RFX4: variants seen among roughly 807,000 people sequenced by gnomAD.
The protein encoded by RFX4 is transcription factor RFX4.
A neutral mutation model predicts 95.0 loss-of-function variants in RFX4; 10 were observed. That is an observed-to-expected ratio of 0.11 (90% CI 0.06 to 0.18). The LOEUF is 0.18. Among genes scored for constraint, RFX4 ranks in the 10% least tolerant of loss-of-function variants. The pLI, the probability that RFX4 is intolerant of heterozygous loss-of-function variation, is 1.00. For synonymous variants in RFX4, 321 were observed against 340.7 expected (o/e 0.94, Z 0.64); for missense variants, 640 against 922.0 (o/e 0.69, Z 3.96).
intron 7 of RFX4, among the ~76,000 whole-genome samples, chr12:106,694,777 G>C (rs2041847834): frequency 6.6e-6 from 1 of 152,124 alleles, no homozygotes; most frequent in African/African-American, 2.4e-5. Context: ...GTGGCTCACT[G>C]TAATCCCAGG....
At position 106,684,739 on chromosome 12, in the gene RFX4, T is replaced by C. The variant is rs1386480613; in HGVS notation, c.378-2145T>C. The C allele has an allele frequency of 3.3e-6, 5 of 1,528,482 alleles. No individual in the cohort carries two copies. In the African/African-American group the frequency reaches 4.1e-5, roughly 13 times the overall value. The allele number at this position is 1,528,482 out of a possible 1,614,324, so 94.7% of individuals were successfully genotyped here. Reference sequence around the variant, plus strand: ...GAAGGCAGTTATGACAGTTGAGAAGTAGTAGAAGACACGGAAGGCACAGAA... The same window carrying C: ...GAAGGCAGTTATGACAGTTGAGAAGCAGTAGAAGACACGGAAGGCACAGAA... On this transcript the variant is annotated intron_variant, in intron 5 of 17. Transcript: ENST00000392842.
chr12:106,634,151 C>A (rs183689756), intron 2 of RFX4, among the ~76,000 whole-genome samples: 25 of 152,342 alleles, frequency 1.6e-4, no homozygotes, highest in Non-Finnish European at 2.9e-4. Flanking sequence ...TCCATACTTT[C>A]TTAATTTTAA....
chr12:106,696,845 C>T (rs1214186404), intron 8 of RFX4, among the ~76,000 whole-genome samples: 1 of 152,180 alleles, frequency 6.6e-6, no homozygotes. Context: ...ATACCCTGTT[C>T]TGTGCCTTGC....
At chr12:106,591,546 G>A (rs1478367337) in intron 1 of RFX4, among the ~76,000 whole-genome samples, 2 of 152,158 alleles carry the variant, frequency 1.3e-5, no homozygotes, top group Non-Finnish European at 2.9e-5. Context: ...GATTACAGGC[G>A]TGAGCCATCG....
At position 106,731,844 on chromosome 12, in the gene RFX4, C is replaced by T. The variant is rs531696822; in HGVS notation, c.1352-286C>T. ...GGTAAGCAAGAGCTCAGAGATGGCT[C>T]GGTGGGTGCCATTTTTGATGGTGTC... On this transcript the variant is annotated intron_variant, in intron 13 of 17. Coordinates refer to ENST00000392842, the MANE Select transcript of RFX4 (RefSeq NM_213594.3). 5.9e-4 allele frequency among the ~76,000 whole-genome samples: 89 copies of T among 151,978 alleles called. 3 individuals are homozygous for T. The South Asian group carries it at 0.017, about 29-fold the overall frequency.
chr12:106,758,296 G>C (rs1464523788), intron 17 of RFX4, among the ~76,000 whole-genome samples: 1 of 152,138 alleles, frequency 6.6e-6, no homozygotes, highest in Non-Finnish European at 1.5e-5. Flanking sequence ...GTCTTTCAAT[G>C]GTCTCTTCAC....
At chr12:106,606,247 G>C (rs1398568908) in intron 1 of RFX4, among the ~76,000 whole-genome samples, 1 of 152,186 alleles carries the variant, frequency 6.6e-6, no homozygotes, top group Admixed American at 6.5e-5. Flanking sequence ...CCTGATGAAA[G>C]GGGGATTGGG....
At chr12:106,661,459 C>T (rs532861479) in intron 4 of RFX4, among the ~76,000 whole-genome samples, 67 of 152,254 alleles carry the variant, frequency 4.4e-4, no homozygotes, top group Middle Eastern at 3.4e-3. Context: ...ATACCCCGTC[C>T]CTACACTTGC....
intron 1 of RFX4, among the ~76,000 whole-genome samples, chr12:106,593,630 C>T (rs1353574660): frequency 2.0e-5 from 3 of 152,148 alleles, no homozygotes; most frequent in Non-Finnish European, 2.9e-5. Context: ...ATCAAATCAT[C>T]GCAAGTTACA....
chr12:106,711,538 A>T (rs984126397), intron 10 of RFX4, 27 bp downstream of exon 10: 1 of 1,605,678 alleles, frequency 6.2e-7, no homozygotes, highest in African/African-American at 1.3e-5. Flanking sequence ...ATGTGTTTTA[A>T]TCACTGCTGA....
chr12:106,755,308 C>T (rs2043089359), intron 17 of RFX4, among the ~76,000 whole-genome samples: 1 of 152,146 alleles, frequency 6.6e-6, no homozygotes, highest in South Asian at 2.1e-4. Flanking sequence ...GTTGACCAGA[C>T]ATGTCTCGAA....
Position 106,644,284 on chromosome 12 carries a change from A to C in RFX4, c.191+4892A>C, listed in dbSNP as rs1418251500. Among the ~76,000 whole-genome samples the C allele has an allele frequency of 2.4e-5, 3 of 126,138 alleles. No homozygotes were observed. The East Asian group carries it at 7.1e-4, about 30-fold the overall frequency. The allele number at this position is 126,138 out of a possible 152,430, so 82.8% of individuals were successfully genotyped here. ...AGCCTTGCTCTGTCACTCAGGCTGG[A>C]GTGCAATGGTGTGATCTCGGCTCAC... On this transcript the variant is annotated intron_variant, in intron 3 of 17. Coordinates refer to ENST00000392842, the MANE Select transcript of RFX4 (RefSeq NM_213594.3).
At chr12:106,723,487 G>A (rs1315113640) in intron 13 of RFX4, among the ~76,000 whole-genome samples, 1 of 152,118 alleles carries the variant, frequency 6.6e-6, no homozygotes, top group Non-Finnish European at 1.5e-5. Flanking sequence ...AATAGTTCCC[G>A]GAAGTACTCC....
chr12:106,760,107 T>C (rs892324434), intron 17 of RFX4, among the ~76,000 whole-genome samples: 2 of 152,166 alleles, frequency 1.3e-5, no homozygotes, highest in African/African-American at 4.8e-5. Context: ...GCCTCCACTT[T>C]CCAACTGTCA....
chr12:106,601,461 G>C (rs1049799224), intron 1 of RFX4: 7 of 1,123,946 alleles, frequency 6.2e-6, no homozygotes, highest in Non-Finnish European at 8.9e-6. Flanking sequence ...CTTTTATGTA[G>C]CGTTTCTGGA....
chr12:106,759,291 G>C (rs954078617), intron 17 of RFX4, among the ~76,000 whole-genome samples: 1 of 152,196 alleles, frequency 6.6e-6, no homozygotes, highest in African/African-American at 2.4e-5. Flanking sequence ...AGGTAGGACA[G>C]AGTTCCCTGA....
intron 15 of RFX4, among the ~76,000 whole-genome samples, chr12:106,740,019 A>G (rs2042780085): frequency 1.3e-5 from 2 of 152,254 alleles, no homozygotes; most frequent in South Asian, 2.1e-4. Context: ...GGGTTCTAAA[A>G]CCTCGTTTAT....
intron 8 of RFX4, among the ~76,000 whole-genome samples, chr12:106,702,297 T>C (rs898928751): frequency 2.6e-5 from 4 of 152,206 alleles, no homozygotes; most frequent in Non-Finnish European, 4.4e-5. Flanking sequence ...ATAATACTTA[T>C]GCCTGGAAAT....
intron 8 of RFX4, among the ~76,000 whole-genome samples, chr12:106,700,644 G>A: frequency 6.7e-6 from 1 of 150,258 alleles, no homozygotes; most frequent in African/African-American, 2.5e-5. Context: ...CTGACCTCGT[G>A]ATCCGCCCGC....
Sources: allele counts gnomAD v4.1 joint callset (sites outside exome capture counted in the v4.1 genomes callset), GRCh38; gene constraint gnomAD v4.1.1; transcripts MANE v1.5; gene names NCBI Gene and HGNC (gene_info 2026-07-23, HGNC 2026-07-21).